The following KIRREL3 variants were observed in gnomAD, a reference collection of about 807,000 sequenced individuals.
KIRREL3 encodes the protein kirre like nephrin family adhesion molecule 3, also known as kin of IRRE-like protein 3.
In KIRREL3, 36 loss-of-function variants were observed where a neutral mutation model predicts 89.7. That is an observed-to-expected ratio of 0.40 (90% CI 0.31 to 0.53). The LOEUF is 0.53. Ranked by LOEUF, KIRREL3 falls within the 20% of genes least tolerant of loss-of-function variation. KIRREL3 has a pLI of 0.49. For missense variants in KIRREL3, 864 were observed against 1,056.6 expected, an observed-to-expected ratio of 0.82 and a Z score of 2.53; for synonymous variants, 445 against 441.4, an observed-to-expected ratio of 1.01 and a Z score of -0.10.
At position 126,516,445 on chromosome 11, in the gene KIRREL3, C is replaced by A. The variant is rs898613280; in HGVS notation, c.433+4870G>T. Among the ~76,000 whole-genome samples, 1 of 152,184 alleles carries A rather than the reference C, an allele frequency of 6.6e-6. No individual in the cohort carries two copies. ...TATTACCACCTCACATCCTGTACAGCAATGCAATTTATGGTTTAATCCGTG... is the reference window on the plus strand; with the variant it reads ...TATTACCACCTCACATCCTGTACAGAAATGCAATTTATGGTTTAATCCGTG... On this transcript the variant is annotated intron_variant, in intron 4 of 16. Transcript: ENST00000525144. This position sits in a 1 kb window ranked among gnomAD's most constrained non-coding sequence, Gnocchi z 4.9.
At chr11:126,688,683 T>C (rs61897861) in intron 1 of KIRREL3, among the ~76,000 whole-genome samples, 6,311 of 152,294 alleles carry the variant, frequency 0.041, 174 homozygotes, top group Non-Finnish European at 0.058. Flanking sequence ...GCTTGGAATA[T>C]ATACAGTCAG....
chr11:126,835,090 G>C (rs1943734194), intron 1 of KIRREL3, among the ~76,000 whole-genome samples: 1 of 152,206 alleles, frequency 6.6e-6, no homozygotes, highest in African/African-American at 2.4e-5. Context: ...TGAAAGGCCT[G>C]TGATTAATCC....
In KIRREL3 at chr11:126,752,259, T is replaced by A. The variant is rs1227824020; in HGVS notation, c.56-189347A>T. Among the ~76,000 whole-genome samples the A allele has an allele frequency of 6.6e-6, 1 of 152,154 alleles. No homozygotes were observed. The highest frequency in any genetic ancestry group is 1.5e-5 in the Non-Finnish European group (1 of 68,030). On this transcript the variant is annotated intron_variant, in intron 1 of 16. Coordinates refer to ENST00000525144, the MANE Select transcript of KIRREL3 (RefSeq NM_032531.4). This position sits in a 1 kb window ranked among gnomAD's most constrained non-coding sequence, Gnocchi z 4.8. ...TCCCATTATTCTCTTAAACCAATAG[T>A]TGTCTATGGGTCTTGGGTTTTGAAA...
At chr11:126,662,906 C>CTTTTTTTTTTT (rs756193928) in intron 1 of KIRREL3, among the ~76,000 whole-genome samples, 3 of 91,878 alleles carry the variant, frequency 3.3e-5, no homozygotes, top group Non-Finnish European at 6.3e-5. Context: ...AAAGTCCTTT[C>CTTTTTTTTTTT]TTTTTTTTTT....
At position 126,776,845 on chromosome 11, in the gene KIRREL3, C is replaced by G. The variant is rs1425534044; in HGVS notation, c.56-213933G>C. Among the ~76,000 whole-genome samples the G allele has an allele frequency of 6.6e-6, 1 of 152,190 alleles. No homozygotes were observed. The highest frequency in any genetic ancestry group is 1.5e-5 in the Non-Finnish European group (1 of 68,034). On this transcript the variant is annotated intron_variant, in intron 1 of 16. Transcript: ENST00000525144. This position sits in a 1 kb window ranked among gnomAD's most constrained non-coding sequence, Gnocchi z 4.7. ...GGGCTCATACCCAGCCAGCAGTGTCCCAGCTTTCCTGGCCCTGCCTGGGGT... is the reference window on the plus strand; with the variant it reads ...GGGCTCATACCCAGCCAGCAGTGTCGCAGCTTTCCTGGCCCTGCCTGGGGT...
chr11:126,429,323 T>A lies in KIRREL3; in HGVS notation c.1697-35A>T. The stretch of plus-strand genomic sequence containing the variant: ...AAATAGTAAAGTGTAGATGATAGAT[T>A]TAGTTCTTACCTTTGAGATGTCAAG... On this transcript the variant is annotated intron_variant, in intron 14 of 16. Transcript: ENST00000525144. This position sits in a 1 kb window ranked among gnomAD's most constrained non-coding sequence, Gnocchi z 5.2. 6.8e-7 allele frequency: 1 copy of A among 1,473,462 alleles called. No homozygotes were observed. The highest frequency in any genetic ancestry group is 9.5e-7 in the Non-Finnish European group (1 of 1,053,566). The allele number at this position is 1,473,462 out of a possible 1,614,324, so 91.3% of individuals were successfully genotyped here.
chr11:126,466,569 C>G (rs1283720220), intron 5 of KIRREL3, among the ~76,000 whole-genome samples: 2 of 152,234 alleles, frequency 1.3e-5, no homozygotes, highest in Admixed American at 1.3e-4. Context: ...TTCTCTTCCC[C>G]CATTCCTTTC....
At chr11:126,864,885 T>G (rs1272684616) in intron 1 of KIRREL3, among the ~76,000 whole-genome samples, 1 of 152,158 alleles carries the variant, frequency 6.6e-6, no homozygotes, top group East Asian at 1.9e-4. Flanking sequence ...ATGCAGCTCA[T>G]CCACCATCAT....
In KIRREL3 at chr11:126,796,266, C is replaced by T. The variant is rs1323371610; in HGVS notation, c.55+204189G>A. Among the ~76,000 whole-genome samples the T allele has an allele frequency of 2.0e-5, 3 of 151,836 alleles. No individual in the cohort carries two copies. Among genetic ancestry groups the T allele is most frequent in the African/African-American group, 7.3e-5 (3 of 41,330 alleles). ...AAATGGTGAACAAAAAAACCAAGGA[C>T]TTGACCAGATGAAAAGAGAGGGGCT... On this transcript the variant is annotated intron_variant, in intron 1 of 16. Transcript: ENST00000525144. This position sits in a 1 kb window ranked among gnomAD's most constrained non-coding sequence, Gnocchi z 5.1.
At chr11:126,451,485 C>T (rs181508914) in intron 7 of KIRREL3, among the ~76,000 whole-genome samples, 1,650 of 98,238 alleles carry the variant, frequency 0.017, 33 homozygotes, top group African/African-American at 0.06. Context: ...TGTGTGTGTG[C>T]GCATGTGTGT....
intron 2 of KIRREL3, among the ~76,000 whole-genome samples, chr11:126,542,874 G>A (rs1191451994): frequency 2.0e-5 from 3 of 152,198 alleles, no homozygotes; most frequent in African/African-American, 7.2e-5. Flanking sequence ...AATTAAAAAA[G>A]TGATACTTCT....
rs1166486114 is a variant in KIRREL3, at chr11:126,955,002, T to G, written c.55+45453A>C. 6.6e-6 allele frequency among the ~76,000 whole-genome samples: 1 copy of G among 152,176 alleles called. No homozygotes were observed. Among genetic ancestry groups the G allele is most frequent in the African/African-American group, 2.4e-5 (1 of 41,440 alleles). ...TGTGTTACACGTGCCCTAGCTCAGC[T>G]GAGGCTGAGAGGCTGGCTGAAGCAG... On this transcript the variant is annotated intron_variant, in intron 1 of 16. Coordinates refer to ENST00000525144, the MANE Select transcript of KIRREL3 (RefSeq NM_032531.4). The surrounding 1 kb of genome is among the most constrained non-coding windows in gnomAD (Gnocchi z 4.6).
At chr11:126,702,587 T>G (rs1947354049) in intron 1 of KIRREL3, among the ~76,000 whole-genome samples, 1 of 152,192 alleles carries the variant, frequency 6.6e-6, no homozygotes, top group Non-Finnish European at 1.5e-5. Flanking sequence ...ACACGCTGAC[T>G]TCTTTTCAGA....
intron 1 of KIRREL3, among the ~76,000 whole-genome samples, chr11:126,749,297 C>T (rs1397043785): frequency 1.3e-5 from 2 of 152,238 alleles, no homozygotes; most frequent in Non-Finnish European, 2.9e-5. Context: ...CTCTCGCTTT[C>T]TCCCGATACG....
At chr11:126,828,038 G>A (rs1565332470) in intron 1 of KIRREL3, among the ~76,000 whole-genome samples, 1 of 152,144 alleles carries the variant, frequency 6.6e-6, no homozygotes, top group African/African-American at 2.4e-5. Context: ...GGGATAATAT[G>A]ACTTACCTCA....
Position 126,772,225 on chromosome 11 carries a change from C to T in KIRREL3, c.56-209313G>A, listed in dbSNP as rs1472218395. 6.6e-6 allele frequency among the ~76,000 whole-genome samples: 1 copy of T among 152,122 alleles called. No homozygotes were observed. Among genetic ancestry groups the T allele is most frequent in the African/African-American group, 2.4e-5 (1 of 41,414 alleles). ...TTGGGAGGGAGGATGCACTACAAAT[C>T]AGAAAGAACAGTGCTAAGATTTGGA... is the stretch of plus-strand genomic sequence containing the variant. On this transcript the variant is annotated intron_variant, in intron 1 of 16. Coordinates refer to ENST00000525144, the MANE Select transcript of KIRREL3 (RefSeq NM_032531.4). The surrounding 1 kb of genome is among the most constrained non-coding windows in gnomAD (Gnocchi z 4.6).
At position 126,431,349 on chromosome 11, in the gene KIRREL3, C is replaced by T; in HGVS notation, c.1696+70G>A. ...TTCATTGCACTCCTGCTTACTTGCT[C>T]TCCGGGGCAGCCTAAGCCTGGCCTT... On this transcript the variant is annotated intron_variant, in intron 14 of 16. Coordinates refer to ENST00000525144, the MANE Select transcript of KIRREL3 (RefSeq NM_032531.4). The surrounding 1 kb of genome is among the most constrained non-coding windows in gnomAD (Gnocchi z 7.1). 1.3e-6 allele frequency: 2 copies of T among 1,585,894 alleles called. No individual in the cohort carries two copies. The highest frequency in any genetic ancestry group is 1.7e-6 in the Non-Finnish European group (2 of 1,166,134).
rs559192203 is a variant in KIRREL3 at position 126,964,432 on chromosome 11, C to G, written c.55+36023G>C. On this transcript the variant is annotated intron_variant, in intron 1 of 16. Transcript: ENST00000525144. ...AATATAATTGTCAGTGTGACAGACT[C>G]TAGTAGGAGTTTGCCTAGTCTGCAC... Among the ~76,000 whole-genome samples the G allele has an allele frequency of 1.6e-4, 25 of 152,308 alleles. No individual in the cohort carries two copies. The South Asian group carries it at 4.1e-3, about 25-fold the overall frequency.
chr11:126,725,570 G>A (rs1948346934), intron 1 of KIRREL3, among the ~76,000 whole-genome samples: 1 of 152,202 alleles, frequency 6.6e-6, no homozygotes, highest in Admixed American at 6.5e-5. Context: ...GTTTTCTTCT[G>A]AGTGTGTTTG....
Sources: gnomAD v4.1 joint callset for allele counts (sites outside exome capture counted in the v4.1 genomes callset) on GRCh38, gnomAD v4.1.1 for gene constraint, Gnocchi (gnomAD v3.1) non-coding constraint, MANE v1.5 for transcripts, NCBI Gene and HGNC (gene_info 2026-07-23, HGNC 2026-07-21) for gene names.